DDX10: variants seen among roughly 807,000 people sequenced by gnomAD.
DDX10 encodes probable ATP-dependent RNA helicase DDX10.
A neutral mutation model predicts 104.3 loss-of-function variants in DDX10; 74 were observed. That is an observed-to-expected ratio of 0.71 (90% CI 0.59 to 0.86). The LOEUF is 0.86. Ranked by LOEUF, DDX10 falls within the 40% of genes least tolerant of loss-of-function variation. DDX10 has a pLI of 0.00. For missense variants in DDX10, 952 were observed against 1,040.0 expected (o/e 0.92, Z 1.16); for synonymous variants, 351 against 353.4 (o/e 0.99, Z 0.08).
At chr11:108,777,664 A>G (rs926704021) in intron 13 of DDX10, among the ~76,000 whole-genome samples, 3 of 152,192 alleles carry the variant, frequency 2.0e-5, no homozygotes, top group East Asian at 1.9e-4. Flanking sequence ...CACCACTCCT[A>G]TTCAACATAG....
At chr11:108,676,332 C>G (rs2094225095) in intron 3 of DDX10, among the ~76,000 whole-genome samples, 1 of 152,002 alleles carries the variant, frequency 6.6e-6, no homozygotes, top group African/African-American at 2.4e-5. Flanking sequence ...GCAAAAACCA[C>G]TTTTCTCTTA....
Position 108,679,508 on chromosome 11 carries a change from T to A in DDX10, c.796T>A (p.Leu266Met). 6.2e-7 allele frequency: 1 copy of A among 1,612,694 alleles called. No homozygotes were observed. Among genetic ancestry groups the A allele is most frequent in the Non-Finnish European group, 8.5e-7 (1 of 1,179,652 alleles). ...QTKSVKDLAR[L>M]SLKNPEYVWV... Reference sequence around the variant, plus strand: ...TAAATCTGTAAAGGACCTTGCACGCTTGAGTTTGAAAAACCCTGAGTATGT... The same window carrying A: ...TAAATCTGTAAAGGACCTTGCACGCATGAGTTTGAAAAACCCTGAGTATGT... The change falls in exon 6 of 18, where the codon TTG becomes ATG. Residue 266 changes from leucine to methionine, a missense_variant. This residue lies in a region of DDX10 where 412 missense variants were observed against 479.2 expected (regional missense o/e 0.86). Coordinates refer to ENST00000322536, the MANE Select transcript of DDX10 (RefSeq NM_004398.4).
chr11:108,848,130 T>A (rs1336500015), intron 15 of DDX10, among the ~76,000 whole-genome samples: 1 of 152,166 alleles, frequency 6.6e-6, no homozygotes, highest in Non-Finnish European at 1.5e-5. Flanking sequence ...CAGAACAAGG[T>A]CATTGATCTC....
At chr11:108,714,430 T>A (rs943091261) in intron 10 of DDX10, among the ~76,000 whole-genome samples, 9 of 151,914 alleles carry the variant, frequency 5.9e-5, no homozygotes, top group African/African-American at 2.2e-4. Flanking sequence ...GAGTTTTAAA[T>A]TTTTTTTTCC....
chr11:108,670,400 C>T (rs141847371), intron 1 of DDX10, among the ~76,000 whole-genome samples: 1 of 152,264 alleles, frequency 6.6e-6, no homozygotes, highest in Non-Finnish European at 1.5e-5. Context: ...TCTCAGACTG[C>T]AGCACAGTTC....
intron 13 of DDX10, among the ~76,000 whole-genome samples, chr11:108,830,048 C>T (rs1009879585): frequency 6.6e-6 from 1 of 152,070 alleles, no homozygotes; most frequent in Admixed American, 6.5e-5. Context: ...CACACAGGAT[C>T]GTTTTTGGTT....
intron 13 of DDX10, among the ~76,000 whole-genome samples, chr11:108,742,859 G>T (rs183190084): frequency 1.3e-5 from 2 of 152,192 alleles, no homozygotes; most frequent in East Asian, 3.9e-4. Context: ...AATCCCTGAA[G>T]AGACCAATAA....
At chr11:108,880,254 T>C (rs1371910256) in intron 16 of DDX10, among the ~76,000 whole-genome samples, 3 of 152,276 alleles carry the variant, frequency 2.0e-5, no homozygotes, top group African/African-American at 7.2e-5. Context: ...AGAATGATAC[T>C]GATCTGGTGT....
intron 15 of DDX10, among the ~76,000 whole-genome samples, chr11:108,841,839 A>G (rs1366737211): frequency 1.3e-5 from 2 of 152,196 alleles, no homozygotes; most frequent in Non-Finnish European, 2.9e-5. Flanking sequence ...AATGTTTTAT[A>G]TAAAACTATG....
chr11:108,786,617 C>G (rs532499571), intron 13 of DDX10, among the ~76,000 whole-genome samples: 1 of 152,208 alleles, frequency 6.6e-6, no homozygotes, highest in East Asian at 1.9e-4. Context: ...TGCCCTTCTT[C>G]GTTCTCCCTG....
In DDX10 at chr11:108,751,371, T is replaced by C. The variant is rs562929407; in HGVS notation, c.1965+27909T>C. ...AATTTTTACTTTATTTACAAGATTTTGTTATAATCAAATGAAACTTTCCAT... is the reference window on the plus strand; with the variant it reads ...AATTTTTACTTTATTTACAAGATTTCGTTATAATCAAATGAAACTTTCCAT... On this transcript the variant is annotated intron_variant, in intron 13 of 17. Transcript: ENST00000322536. Among the ~76,000 whole-genome samples the C allele has an allele frequency of 7.9e-5, 12 of 152,280 alleles. No individual in the cohort carries two copies. In the South Asian group the frequency reaches 2.5e-3, roughly 32 times the overall value.
At chr11:108,892,074 A>T (rs1468731701) in intron 16 of DDX10, among the ~76,000 whole-genome samples, 1 of 152,168 alleles carries the variant, frequency 6.6e-6, no homozygotes, top group African/African-American at 2.4e-5. Context: ...GTGTTGCTGT[A>T]GTTCGGATAT....
At chr11:108,866,821 C>T (rs146790555) in intron 16 of DDX10, among the ~76,000 whole-genome samples, 1 of 152,262 alleles carries the variant, frequency 6.6e-6, no homozygotes, top group East Asian at 1.9e-4. Context: ...TAGTAAGTGA[C>T]TCCAAAATCT....
At chr11:108,831,589 A>G (rs1862472332) in intron 13 of DDX10, among the ~76,000 whole-genome samples, 1 of 152,102 alleles carries the variant, frequency 6.6e-6, no homozygotes, top group Admixed American at 6.6e-5. Context: ...TAGTTGGCCC[A>G]AATGGGAGCT....
intron 7 of DDX10, 98 bp from the exon 8 acceptor site, chr11:108,691,778 T>C: frequency 2.0e-6 from 2 of 1,007,706 alleles, no homozygotes; most frequent in Non-Finnish European, 2.8e-6. Flanking sequence ...GGTATCACAT[T>C]GCTCTGCTGT....
At chr11:108,917,847 C>A (rs760335454) in intron 16 of DDX10, 26 bp from the exon 17 acceptor site, 122 of 1,605,338 alleles carry the variant, frequency 7.6e-5, no homozygotes, top group Non-Finnish European at 9.8e-5. Context: ...TCTTCAACTG[C>A]AGTTTCCCTT....
intron 13 of DDX10, among the ~76,000 whole-genome samples, chr11:108,825,845 G>A (rs1021164143): frequency 6.6e-6 from 1 of 152,088 alleles, no homozygotes; most frequent in Non-Finnish European, 1.5e-5. Context: ...ATATAATAAG[G>A]ACTAATCAAG....
chr11:108,678,413 T>A lies in DDX10; in HGVS notation c.636T>A (p.His212Gln). Residue 212 changes from histidine to glutamine, a missense_variant, in exon 5 of 18, where the codon CAT becomes CAA. By Grantham distance (24) the His-to-Gln change is conservative. This residue lies in a region of DDX10 where 412 missense variants were observed against 479.2 expected (regional missense o/e 0.86). Coordinates refer to ENST00000322536, the MANE Select transcript of DDX10 (RefSeq NM_004398.4). ...ACATGGATGAAACAGTATCTTTTCA[T>A]GCTACCGACCTCCAAATGTTAGGTG... ...LQHMDETVSFHATDLQMLVLD... is the reference protein window; with the variant it reads ...LQHMDETVSFQATDLQMLVLD... The A allele has an allele frequency of 1.2e-6, 2 of 1,610,044 alleles. No individual in the cohort carries two copies. The highest frequency in any genetic ancestry group is 1.3e-5 in the African/African-American group (1 of 74,870).
chr11:108,845,046 A>C (rs1862695177), intron 15 of DDX10, among the ~76,000 whole-genome samples: 1 of 152,028 alleles, frequency 6.6e-6, no homozygotes, highest in African/African-American at 2.4e-5. Flanking sequence ...AAAATACAGA[A>C]AAAAAACCAA....
Sources: gnomAD v4.1 joint callset for allele counts (sites outside exome capture counted in the v4.1 genomes callset) on GRCh38, gnomAD v4.1.1 for gene constraint, gnomAD v4.1.1 regional missense constraint, MANE v1.5 for transcripts, NCBI Gene and HGNC (gene_info 2026-07-23, HGNC 2026-07-21) for gene names.